Variants in CCM2L observed in about 807,000 individuals in gnomAD.
CCM2L encodes CCM2 like scaffold protein, also known as cerebral cavernous malformations 2 protein-like.
Under a neutral mutation model 54.1 loss-of-function variants are expected in CCM2L, and 36 were observed. That is an observed-to-expected ratio of 0.67 (90% CI 0.51 to 0.88). CCM2L has a LOEUF of 0.88. CCM2L is among the 40% of genes least tolerant of loss of function. The pLI is 0.00. For missense variants in CCM2L, 700 were observed against 812.1 expected (o/e 0.86, Z 1.68); for synonymous variants, 351 against 359.3 (o/e 0.98, Z 0.26).
At chr20:32,026,000 G>C (rs2064857059) in intron 7 of CCM2L, 81 bp downstream of exon 7, 1 of 1,099,456 alleles carries the variant, frequency 9.1e-7, no homozygotes, top group African/African-American at 1.6e-5. Context: ...GTAGGAGAAG[G>C]TGACCCAACC....
chr20:32,017,528 C>T (rs1385848168), intron 2 of CCM2L, among the ~76,000 whole-genome samples: 1 of 152,194 alleles, frequency 6.6e-6, no homozygotes, highest in East Asian at 1.9e-4. Flanking sequence ...TTGATCCTCT[C>T]TAGCTATCTA....
Position 32,029,108 on chromosome 20 carries a change from A to G in CCM2L, c.1247A>G (p.Gln416Arg). The change falls in exon 8 of 10, where the codon CAG becomes CGG. Residue 416 changes from glutamine (Q) to arginine (R), a missense_variant. Gln to Arg is a conservative substitution (Grantham distance 43). Transcript: ENST00000452892. The part of the protein sequence containing the change: ...DHSSLGLEQL[Q>R]DYMVTLRSKL... ...AGCAGTCTGGGCTTGGAGCAGTTAC[A>G]GGATTACATGGTCACGGTGAGCTGG... The G allele has an allele frequency of 6.2e-7, 1 of 1,614,202 alleles. No homozygotes were observed. The highest frequency in any genetic ancestry group is 1.1e-5 in the South Asian group (1 of 91,086).
At position 32,029,093 on chromosome 20, in the gene CCM2L, G is replaced by A; in HGVS notation, c.1232G>A (p.Gly411Asp). 2 of 1,614,224 alleles carry A rather than the reference G, an allele frequency of 1.2e-6. No individual in the cohort carries two copies. Among genetic ancestry groups the A allele is most frequent in the South Asian group, 1.1e-5 (1 of 91,086 alleles). The change falls in exon 8 of 10, where the codon GGC (glycine) becomes GAC (aspartate). Residue 411 changes from glycine to aspartate, a missense_variant. Coordinates refer to ENST00000452892, the MANE Select transcript of CCM2L (RefSeq NM_001365692.1). ...HCSGSDHSSL[G>D]LEQLQDYMVT... ...AGCGGCAGCGACCACAGCAGTCTGG[G>A]CTTGGAGCAGTTACAGGATTACATG...
chr20:32,024,415 G>A (rs2122354767), intron 6 of CCM2L, among the ~76,000 whole-genome samples: 2 of 152,346 alleles, frequency 1.3e-5, no homozygotes, highest in South Asian at 4.1e-4. Flanking sequence ...CACCTAGTGG[G>A]TCAGATCCAG....
rs548152857 is a variant in CCM2L at position 32,020,115 on chromosome 20, A to G, written c.933+706A>G. 1.2e-4 allele frequency among the ~76,000 whole-genome samples: 18 copies of G among 152,350 alleles called. No homozygotes were observed. In the South Asian group the frequency reaches 3.5e-3, roughly 30 times the overall value. On this transcript the variant is annotated intron_variant, in intron 5 of 9. Transcript: ENST00000452892. ...TGCTATGGATACAGACGTGAAAAAGACATCTGGTGTCCACCCTTAGGGAGC... is the reference window on the plus strand; with the variant it reads ...TGCTATGGATACAGACGTGAAAAAGGCATCTGGTGTCCACCCTTAGGGAGC...
At chr20:32,015,765 A>G (rs1346816817) in intron 2 of CCM2L, among the ~76,000 whole-genome samples, 1 of 151,998 alleles carries the variant, frequency 6.6e-6, no homozygotes, top group Non-Finnish European at 1.5e-5. Context: ...GACATTTCCC[A>G]TGAGATTTTA....
At position 32,015,046 on chromosome 20, in the gene CCM2L, G is replaced by A; in HGVS notation, c.173G>A (p.Cys58Tyr). 6.5e-7 allele frequency: 1 copy of A among 1,529,586 alleles called. No homozygotes were observed. Among genetic ancestry groups the A allele is most frequent in the South Asian group, 1.2e-5 (1 of 80,108 alleles). 94.8% of individuals were successfully genotyped at this position (1,529,586 alleles called of 1,614,324 possible). A position where few individuals can be genotyped will look rare whatever the true frequency, so the allele number is the denominator to read the frequency against. Residue 58 changes from cysteine to tyrosine, a missense_variant, in exon 2 of 10, where the codon TGT (cysteine) becomes TAT (tyrosine). Cys to Tyr is a radical substitution (Grantham distance 194). Coordinates refer to ENST00000452892, the MANE Select transcript of CCM2L (RefSeq NM_001365692.1). Reference sequence around the variant, plus strand: ...CTCATCGACCCCCAGATTCTGCTGTGTGACTACCTGGAGAAAGAGGTCAAG... The same window carrying A: ...CTCATCGACCCCCAGATTCTGCTGTATGACTACCTGGAGAAAGAGGTCAAG... ...DYLIDPQILL[C>Y]DYLEKEVKFL...
chr20:32,023,037 G>A (rs111988064), intron 6 of CCM2L, among the ~76,000 whole-genome samples: 5,894 of 152,022 alleles, frequency 0.039, 350 homozygotes, highest in African/African-American at 0.13. Flanking sequence ...ATGCCATCTC[G>A]GCTCACTGCA....
chr20:32,029,547 TAA>T (rs1421274451), intron 8 of CCM2L, among the ~76,000 whole-genome samples, 151 bp from the exon 9 acceptor site: 1 of 152,102 alleles, frequency 6.6e-6, no homozygotes, highest in Non-Finnish European at 1.5e-5. Flanking sequence ...AAATGCAGCC[TAA>T]GGGATCTAGA....
Position 32,019,302 on chromosome 20 carries a change from G to T in CCM2L, c.826G>T (p.Gly276Trp). 1 of 1,294,634 alleles carries T rather than the reference G, an allele frequency of 7.7e-7. No homozygotes were observed. Among genetic ancestry groups the T allele is most frequent in the Non-Finnish European group, 9.8e-7 (1 of 1,021,794 alleles). 80.2% of individuals were successfully genotyped at this position (1,294,634 alleles called of 1,614,324 possible). ...GGAGCGGAGGCAGGCGGGCAGCGGC[G>T]GGGGAGGCAGCTGGGAGCGGCGCCA... ...SWERRQAGSGGGGSWERRHPG... is the reference protein window; with the variant it reads ...SWERRQAGSGWGGSWERRHPG... The change falls in exon 5 of 10, where the codon GGG becomes TGG. Residue 276 changes from glycine to tryptophan, a missense_variant. Gly to Trp is a radical substitution (Grantham distance 184, BLOSUM62 -2). Coordinates refer to ENST00000452892, the MANE Select transcript of CCM2L (RefSeq NM_001365692.1).
chr20:32,025,056 CTTCTTTCT>C (rs75583214), intron 6 of CCM2L, among the ~76,000 whole-genome samples: 2,712 of 150,932 alleles, frequency 0.018, 78 homozygotes, highest in African/African-American at 0.06. Flanking sequence ...TCTCTTTCTT[CTTCTTTCT>C]TTCTTTCTTT....
chr20:32,025,198 TTTC>T (rs920665536), intron 6 of CCM2L, among the ~76,000 whole-genome samples: 1 of 150,458 alleles, frequency 6.6e-6, no homozygotes, highest in Non-Finnish European at 1.5e-5. Context: ...CTTTCCTCTT[TTTC>T]TTTCTTTCTT....
At position 32,029,821 on chromosome 20, in the gene CCM2L, G is replaced by T; in HGVS notation, c.1385G>T (p.Arg462Leu). The change falls in exon 9 of 10, where the codon CGC becomes CTC. Residue 462 changes from arginine (R) to leucine (L), a missense_variant. Physicochemically the swap from Arg to Leu is moderately radical, Grantham distance 102 (BLOSUM62 -2). Transcript: ENST00000452892. ...TGLLKLYGDRRKFLLLGMRPF... is the reference protein window; with the variant it reads ...TGLLKLYGDRLKFLLLGMRPF... Reference sequence around the variant, plus strand: ...CTGCTGAAGCTCTACGGAGACCGGCGCAAGTTCCTCCTCCTTGGTGAGCCC... The same window carrying T: ...CTGCTGAAGCTCTACGGAGACCGGCTCAAGTTCCTCCTCCTTGGTGAGCCC... The T allele has an allele frequency of 1.2e-6, 2 of 1,604,688 alleles. No individual in the cohort carries two copies. The highest frequency in any genetic ancestry group is 1.7e-6 in the Non-Finnish European group (2 of 1,174,350).
intron 1 of CCM2L, 76 bp downstream of exon 1, chr20:32,010,560 T>TGGGGGCAACCGGGGGGGGGGGG: frequency 9.5e-6 from 1 of 105,748 alleles, no homozygotes; most frequent in Non-Finnish European, 1.8e-5. Context: ...TGGGGCGGGG[T>TGGGGGCAACCGGGGGGGGGGGG]GGGGGGTCGG....
chr20:32,018,125 G>C lies in CCM2L; in HGVS notation c.429G>C (p.Leu143=). 6.2e-7 allele frequency: 1 copy of C among 1,603,822 alleles called. No homozygotes were observed. The highest frequency in any genetic ancestry group is 8.5e-7 in the Non-Finnish European group (1 of 1,176,688). ...PTHEIAAASY[L]QDDALHLLVL... ...ACGAGATCGCCGCCGCCTCCTACCT[G>C]CAGGACGACGCGCTGCACCTGCTAG... The change falls in exon 4 of 10, where the codon CTG becomes CTC. Residue 143 remains leucine (L), a synonymous_variant. Coordinates refer to ENST00000452892, the MANE Select transcript of CCM2L (RefSeq NM_001365692.1).
rs1230105521 is a variant in CCM2L, at chr20:32,029,820, C to T, written c.1384C>T (p.Arg462Cys). Residue 462 changes from arginine (R) to cysteine (C), a missense_variant, in exon 9 of 10, where the codon CGC becomes TGC. Transcript: ENST00000452892. ...CCTGCTGAAGCTCTACGGAGACCGG[C>T]GCAAGTTCCTCCTCCTTGGTGAGCC... Reference protein sequence around the residue: ...TGLLKLYGDRRKFLLLGMRPF... With the variant: ...TGLLKLYGDRCKFLLLGMRPF... 2.5e-6 allele frequency: 4 copies of T among 1,605,142 alleles called. No individual in the cohort carries two copies. Among genetic ancestry groups the T allele is most frequent in the Admixed American group, 3.4e-5 (2 of 59,364 alleles).
chr20:32,025,712 G>A, intron 6 of CCM2L, 144 bp from the exon 7 acceptor site: 1 of 439,272 alleles, frequency 2.3e-6, no homozygotes, highest in South Asian at 1.8e-5. Flanking sequence ...GGAGAGGGGA[G>A]GGGAGTTCCC....
chr20:32,026,833 G>A (rs1050328139), intron 7 of CCM2L, among the ~76,000 whole-genome samples: 20 of 150,436 alleles, frequency 1.3e-4, no homozygotes, highest in East Asian at 3.9e-4. Context: ...CTGAGATTGC[G>A]CCACTGCACT....
At chr20:32,020,222 A>C (rs768502034) in intron 5 of CCM2L, among the ~76,000 whole-genome samples, 3 of 152,178 alleles carry the variant, frequency 2.0e-5, no homozygotes, top group Non-Finnish European at 4.4e-5. Flanking sequence ...CTCCGTATAA[A>C]AACAGTGGTG....
Sources: gnomAD v4.1 joint callset for allele counts (sites outside exome capture counted in the v4.1 genomes callset) on GRCh38, gnomAD v4.1.1 for gene constraint, MANE v1.5 for transcripts, NCBI Gene and HGNC (gene_info 2026-07-23, HGNC 2026-07-21) for gene names.